The following TBC1D19 variants were observed in gnomAD, a reference collection of about 807,000 sequenced individuals.
TBC1D19 encodes TBC1 domain family member 19.
A neutral mutation model predicts 89.0 loss-of-function variants in TBC1D19; 60 were observed. That is an observed-to-expected ratio of 0.67 (90% confidence interval 0.55 to 0.84). TBC1D19 has a LOEUF of 0.84. Among genes scored for constraint, TBC1D19 ranks in the 40% least tolerant of loss-of-function variants. The pLI is 0.00. For missense variants in TBC1D19, 500 were observed against 610.8 expected, an observed-to-expected ratio of 0.82 and a Z score of 1.91; for synonymous variants, 189 against 199.7, an observed-to-expected ratio of 0.95 and a Z score of 0.45.
intron 1 of TBC1D19, 143 bp downstream of exon 1, chr4:26,584,435 A>AAAC (rs1311500007): frequency 1.5e-6 from 1 of 687,530 alleles, no homozygotes; most frequent in African/African-American, 2.0e-5. Context: ...ACAAAAACAA[A>AAAC]AACAAAAACA....
chr4:26,635,437 A>G (rs1235537157), intron 4 of TBC1D19, among the ~76,000 whole-genome samples: 1 of 152,150 alleles, frequency 6.6e-6, no homozygotes, highest in Non-Finnish European at 1.5e-5. Flanking sequence ...ATTTATAGTT[A>G]AGGAGAGAAT....
chr4:26,625,588 C>T (rs1038149726), intron 4 of TBC1D19, among the ~76,000 whole-genome samples: 1 of 152,138 alleles, frequency 6.6e-6, no homozygotes, highest in South Asian at 2.1e-4. Context: ...AGGATCTCAT[C>T]CAGGACACTA....
the TBC1D19 span, among the ~76,000 whole-genome samples, chr4:26,842,320 TTTTTC>T: frequency 1.0e-4 from 14 of 135,960 alleles, no homozygotes; most frequent in African/African-American, 1.4e-4. Context: ...CTTGTTTTCC[TTTTTC>T]TTTTCTTTTC....
chr4:26,655,221 G>A (rs1323360916), intron 7 of TBC1D19, among the ~76,000 whole-genome samples: 2 of 152,186 alleles, frequency 1.3e-5, no homozygotes, highest in African/African-American at 2.4e-5. Context: ...CTGCCTGATC[G>A]TTCCTCTGGA....
At chr4:26,819,405 G>C in the TBC1D19 span, among the ~76,000 whole-genome samples, 1 of 152,166 alleles carries the variant, frequency 6.6e-6, no homozygotes, top group African/African-American at 2.4e-5. Flanking sequence ...AACAGAGAGG[G>C]GAATGGTGGA....
At chr4:26,744,324 A>C (rs1474924893) in intron 18 of TBC1D19, among the ~76,000 whole-genome samples, 3 of 151,588 alleles carry the variant, frequency 2.0e-5, no homozygotes, top group Non-Finnish European at 4.4e-5. Context: ...TGAAAGAATC[A>C]GTTTTTTGTA....
the TBC1D19 span, among the ~76,000 whole-genome samples, chr4:26,838,962 C>T: frequency 6.6e-6 from 1 of 152,172 alleles, no homozygotes. Context: ...AACAAGCCCA[C>T]GAAACATCCA....
At chr4:26,695,711 C>T (rs1447939253) in intron 13 of TBC1D19, among the ~76,000 whole-genome samples, 1 of 152,168 alleles carries the variant, frequency 6.6e-6, no homozygotes, top group Non-Finnish European at 1.5e-5. Flanking sequence ...ATTCAACATT[C>T]TTAAAGAAAA....
At chr4:26,830,457 C>T in the TBC1D19 span, among the ~76,000 whole-genome samples, 3 of 152,154 alleles carry the variant, frequency 2.0e-5, no homozygotes, top group Admixed American at 2.0e-4. Flanking sequence ...GGGATCAAGA[C>T]CTTGTAATTA....
intron 16 of TBC1D19, among the ~76,000 whole-genome samples, chr4:26,738,215 C>A (rs1228720311): frequency 6.6e-6 from 1 of 151,184 alleles, no homozygotes. Context: ...TTGTAAATTT[C>A]TTTTATATTT....
intron 9 of TBC1D19, among the ~76,000 whole-genome samples, chr4:26,668,366 A>G (rs1364257269): frequency 1.3e-5 from 2 of 152,004 alleles, no homozygotes. Flanking sequence ...TTTAAACTAC[A>G]GTGCAGATTT....
intron 1 of TBC1D19, among the ~76,000 whole-genome samples, chr4:26,607,449 T>C (rs1473994439): frequency 6.6e-6 from 1 of 152,160 alleles, no homozygotes; most frequent in African/African-American, 2.4e-5. Context: ...ATAACTCAGT[T>C]AAGGTATTAT....
chr4:26,740,013 T>G (rs1408838354), intron 17 of TBC1D19, 40 bp downstream of exon 17: 2 of 1,319,050 alleles, frequency 1.5e-6, no homozygotes, highest in African/African-American at 3.0e-5. Context: ...TAGGTTGGAT[T>G]GTAATCTATT....
intron 13 of TBC1D19, among the ~76,000 whole-genome samples, chr4:26,688,707 A>G (rs189770214): frequency 6.6e-6 from 1 of 152,196 alleles, no homozygotes; most frequent in East Asian, 1.9e-4. Flanking sequence ...TCAAATTCTT[A>G]TTTAAGCCAT....
chr4:26,675,294 T>C (rs748221183), intron 11 of TBC1D19, among the ~76,000 whole-genome samples: 40 of 152,016 alleles, frequency 2.6e-4, no homozygotes, highest in African/African-American at 7.7e-4. Context: ...AGAAGTATCA[T>C]CCTAATAACC....
chr4:26,819,262 G>A, the TBC1D19 span, among the ~76,000 whole-genome samples: 2 of 152,230 alleles, frequency 1.3e-5, no homozygotes, highest in Admixed American at 6.5e-5. Context: ...TTGGGCACCA[G>A]TGGGGTGTGA....
chr4:26,699,351 A>T (rs1715108662), intron 13 of TBC1D19, among the ~76,000 whole-genome samples: 1 of 152,228 alleles, frequency 6.6e-6, no homozygotes, highest in Admixed American at 6.5e-5. Flanking sequence ...ATCATTAAAA[A>T]GTCAGGAAAC....
intron 7 of TBC1D19, among the ~76,000 whole-genome samples, chr4:26,645,973 A>T (rs2109028431): frequency 6.6e-6 from 1 of 151,612 alleles, no homozygotes; most frequent in Non-Finnish European, 1.5e-5. Flanking sequence ...AATACAAAAA[A>T]TTAGCCGGGC....
At chr4:26,665,774 T>C (rs994053261) in intron 8 of TBC1D19, among the ~76,000 whole-genome samples, 7 of 152,096 alleles carry the variant, frequency 4.6e-5, no homozygotes, top group Non-Finnish European at 8.8e-5. Context: ...TGAGTGTTTG[T>C]ATGTGTGTGT....
Sources: allele counts gnomAD v4.1 joint callset (sites outside exome capture counted in the v4.1 genomes callset), GRCh38; gene constraint gnomAD v4.1.1; transcripts MANE v1.5; gene names NCBI Gene and HGNC (gene_info 2026-07-23, HGNC 2026-07-21).